The following DGAT1 variants were observed in gnomAD, a reference collection of about 807,000 sequenced individuals.
The protein encoded by DGAT1 is ACAT related gene product 1.
DGAT1 carries 60 observed loss-of-function variants against 72.6 expected under a neutral mutation model. That is an observed-to-expected ratio of 0.83 (90% CI 0.67 to 1.02). The LOEUF (loss-of-function observed/expected upper bound fraction) is 1.02, where lower values mean the gene tolerates loss of function less well. Ranked by LOEUF, DGAT1 falls within the 50% of genes least tolerant of loss-of-function variation. The pLI is 0.00. For synonymous variants in DGAT1, 290 were observed against 267.5 expected (o/e 1.08, Z -0.82); for missense variants, 592 against 670.0 (o/e 0.88, Z 1.29).
chr8:144,325,133 C>G (rs1424745158), intron 1 of DGAT1, among the ~76,000 whole-genome samples: 1 of 152,084 alleles, frequency 6.6e-6, no homozygotes, highest in Non-Finnish European at 1.5e-5. Context: ...AGCCATCCCC[C>G]TGCCTCCTGG....
chr8:144,323,534 C>T lies in DGAT1; in HGVS notation c.201-2126G>A, dbSNP rs536443233. ...GGGCTACAGGGCAGGCTGCATGGAA[C>T]GGCATGGGGAGGTGGGATCTGCCCC... On this transcript the variant is annotated intron_variant, in intron 1 of 16. Coordinates refer to ENST00000528718, the MANE Select transcript of DGAT1 (RefSeq NM_012079.6). Among the ~76,000 whole-genome samples the T allele has an allele frequency of 2.6e-4, 40 of 152,334 alleles. 1 individual carries two copies. Among genetic ancestry groups the T allele is most frequent in the East Asian group, 1.5e-3 (8 of 5,178 alleles).
At chr8:144,322,359 G>A (rs1490961020) in intron 1 of DGAT1, among the ~76,000 whole-genome samples, 1 of 152,208 alleles carries the variant, frequency 6.6e-6, no homozygotes, top group African/African-American at 2.4e-5. Context: ...CATTGAGCAA[G>A]TCCTCAACTT....
chr8:144,320,364 C>G (rs939208661), intron 2 of DGAT1, among the ~76,000 whole-genome samples: 4 of 152,234 alleles, frequency 2.6e-5, no homozygotes, highest in African/African-American at 7.2e-5. Flanking sequence ...GCCCACTGTC[C>G]TCCTGCCTGG....
At chr8:144,319,491 G>C (rs1051361879) in intron 2 of DGAT1, among the ~76,000 whole-genome samples, 1 of 152,248 alleles carries the variant, frequency 6.6e-6, no homozygotes, top group Non-Finnish European at 1.5e-5. Context: ...TGCCCAGGGA[G>C]GCCTGCCCAC....
In DGAT1 at chr8:144,315,820, C is replaced by G; in HGVS notation, c.*734G>C. The G allele has an allele frequency of 1.0e-6, 1 of 982,900 alleles. No homozygotes were observed. Among genetic ancestry groups the G allele is most frequent in the Non-Finnish European group, 1.2e-6 (1 of 827,594 alleles). The allele number at this position is 982,900 out of a possible 1,614,324, so 60.9% of individuals were successfully genotyped here. A position where few individuals can be genotyped will look rare whatever the true frequency, so the allele number is the denominator to read the frequency against. On this transcript the variant is annotated 3_prime_UTR_variant, in exon 17 of 17. Coordinates refer to ENST00000528718, the MANE Select transcript of DGAT1 (RefSeq NM_012079.6). ...AAGTGAAGGAAAGAGGCTGCCAAAC[C>G]GAGCCCTGCCCCAAGGCGAATAGCC...
intron 12 of DGAT1, 29 bp from the exon 13 acceptor site, chr8:144,317,474 G>A (rs782581151): frequency 6.2e-7 from 1 of 1,613,654 alleles, no homozygotes; most frequent in South Asian, 1.1e-5. Context: ...TGGGCACCAA[G>A]TTCTAGAACC....
chr8:144,316,348 C>T lies in DGAT1; in HGVS notation c.*206G>A, dbSNP rs1817219992. 7.6e-6 allele frequency: 5 copies of T among 658,102 alleles called. No homozygotes were observed. The highest frequency in any genetic ancestry group is 1.8e-5 in the African/African-American group (1 of 55,094). 40.8% of individuals were successfully genotyped at this position (658,102 alleles called of 1,614,324 possible). ...CCCGGGGCAGGGTCAGCAAGACTCC[C>T]AGCTGGCATCAGACTGTGTCTGGCC... On this transcript the variant is annotated 3_prime_UTR_variant, in exon 17 of 17. Transcript: ENST00000528718.
rs1175747752 is a variant in DGAT1, at chr8:144,317,773, A to C, written c.894+11T>G. On this transcript the variant is annotated intron_variant, in intron 10 of 16. Transcript: ENST00000528718. ...GCCCAGCTACACCCAACCCTGCCCT[A>C]CCCCACTTACCTGCTGGATCAGCCC... 6.2e-7 allele frequency: 1 copy of C among 1,613,006 alleles called. No homozygotes were observed. Among genetic ancestry groups the C allele is most frequent in the Non-Finnish European group, 8.5e-7 (1 of 1,179,690 alleles).
chr8:144,318,658 C>T (rs906980203), intron 5 of DGAT1, 41 bp downstream of exon 5: 12 of 1,607,188 alleles, frequency 7.5e-6, no homozygotes, highest in Non-Finnish European at 8.5e-6. Flanking sequence ...GGAGCGCACA[C>T]AGCAGGGTGA....
chr8:144,326,342 G>T, intron 1 of DGAT1, 95 bp downstream of exon 1: 3 of 1,156,806 alleles, frequency 2.6e-6, no homozygotes, highest in Non-Finnish European at 3.4e-6. Flanking sequence ...TTAGCCCAGG[G>T]CCCATGTTCT....
intron 1 of DGAT1, among the ~76,000 whole-genome samples, chr8:144,322,712 T>C (rs1360027121): frequency 1.3e-5 from 2 of 152,130 alleles, no homozygotes; most frequent in Admixed American, 1.3e-4. Context: ...TGCTCACACC[T>C]TTCCCTCTGC....
chr8:144,318,570 G>T lies in DGAT1; in HGVS notation c.469-4C>A. On this transcript the variant is annotated splice_region_variant and splice_polypyrimidine_tract_variant and intron_variant, in intron 5 of 16. Coordinates refer to ENST00000528718, the MANE Select transcript of DGAT1 (RefSeq NM_012079.6). Reference sequence around the variant, plus strand: ...CCGCCTGCTCCGTCAGGGCACCCTGGAGTGGGGAGCAGAGCACTCAACCAG... The same window carrying T: ...CCGCCTGCTCCGTCAGGGCACCCTGTAGTGGGGAGCAGAGCACTCAACCAG... 2 of 1,611,390 alleles carry T rather than the reference G, an allele frequency of 1.2e-6. No homozygotes were observed. Among genetic ancestry groups the T allele is most frequent in the East Asian group, 2.2e-5 (1 of 44,846 alleles).
chr8:144,316,375 G>A lies in DGAT1; in HGVS notation c.*179C>T. On this transcript the variant is annotated 3_prime_UTR_variant, in exon 17 of 17. Coordinates refer to ENST00000528718, the MANE Select transcript of DGAT1 (RefSeq NM_012079.6). The stretch of plus-strand genomic sequence containing the variant: ...GCTGGCATCAGACTGTGTCTGGCCT[G>A]CTGTCGCCATCCCTGAGGGGTGCAG... 1.3e-6 allele frequency: 1 copy of A among 774,932 alleles called. No homozygotes were observed. The highest frequency in any genetic ancestry group is 2.0e-6 in the Non-Finnish European group (1 of 501,340). 48.0% of individuals were successfully genotyped at this position (774,932 alleles called of 1,614,324 possible).
In DGAT1 at chr8:144,321,302, G is replaced by A. The variant is rs549091136; in HGVS notation, c.288+19C>T. 5.2e-5 allele frequency: 84 copies of A among 1,612,422 alleles called. No homozygotes were observed. The highest frequency in any genetic ancestry group is 4.3e-4 in the South Asian group (39 of 91,020). On this transcript the variant is annotated intron_variant, in intron 2 of 16. Transcript: ENST00000528718. ...CCCACCTGGACCTAGACCCGCTCCC[G>A]ACACCATGTCCCACTCACCAGCATC...
In DGAT1 at chr8:144,318,334, G is replaced by A. The variant is rs1554847579; in HGVS notation, c.603C>T (p.His201=). 6.2e-7 allele frequency: 1 copy of A among 1,612,258 alleles called. No individual in the cohort carries two copies. Among genetic ancestry groups the A allele is most frequent in the South Asian group, 1.1e-5 (1 of 90,978 alleles). ...PVGSLLALMA[H]TILFLKLFSY... ...AGAAGAGCTTGAGGAAGAGGATGGT[G>A]TGCGCCATCAGCGCCAGCAGGGAGC... The change falls in exon 7 of 17, where the codon CAC becomes CAT. Residue 201 remains histidine, a synonymous_variant. Coordinates refer to ENST00000528718, the MANE Select transcript of DGAT1 (RefSeq NM_012079.6).
At position 144,326,415 on chromosome 8, in the gene DGAT1, AG is replaced by A. The variant is rs1459712081; in HGVS notation, c.200+21del. ...TCGCGGGGCCCTTGGGTCAGAGGTTAGGGGGTCAGGCGCTCCGCTACCTCAG... is the reference window on the plus strand; with the variant it reads ...TCGCGGGGCCCTTGGGTCAGAGGTTAGGGGTCAGGCGCTCCGCTACCTCAG... On this transcript the variant is annotated intron_variant, in intron 1 of 16. Coordinates refer to ENST00000528718, the MANE Select transcript of DGAT1 (RefSeq NM_012079.6). 7.2e-6 allele frequency: 10 copies of A among 1,388,124 alleles called. No homozygotes were observed. In the East Asian group the frequency reaches 1.2e-4, roughly 17 times the overall value. The allele number at this position is 1,388,124 out of a possible 1,614,324, so 86.0% of individuals were successfully genotyped here.
At chr8:144,321,510 G>A (rs551294677) in intron 1 of DGAT1, 102 bp from the exon 2 acceptor site, 3 of 1,037,016 alleles carry the variant, frequency 2.9e-6, no homozygotes, top group African/African-American at 3.1e-5. Context: ...TCTGCCCTCA[G>A]GCCCCACTCC....
Position 144,315,054 on chromosome 8 carries a change from CGGGGAACG to C in DGAT1, c.*1492_*1499del, listed in dbSNP as rs1554846654. ...CCAGAGCCAGCACCCTGTGTAGGCA[CGGGGAACG>C]GGAGCCTGTCCCGTAGCTTTAGGGT... On this transcript the variant is annotated 3_prime_UTR_variant, in exon 17 of 17. Transcript: ENST00000528718. 1 of 985,212 alleles carries C rather than the reference CGGGGAACG, an allele frequency of 1.0e-6. No individual in the cohort carries two copies. Among genetic ancestry groups the C allele is most frequent in the African/African-American group, 1.7e-5 (1 of 57,154 alleles). The allele number at this position is 985,212 out of a possible 1,614,324, so 61.0% of individuals were successfully genotyped here.
At chr8:144,325,087 AG>A (rs1554848640) in intron 1 of DGAT1, among the ~76,000 whole-genome samples, 1 of 151,990 alleles carries the variant, frequency 6.6e-6, no homozygotes, top group African/African-American at 2.4e-5. Context: ...AGAAAAAAAA[AG>A]AAATCTCAAT....
Sources: gnomAD v4.1 joint callset for allele counts (sites outside exome capture counted in the v4.1 genomes callset) on GRCh38, gnomAD v4.1.1 for gene constraint, MANE v1.5 for transcripts, NCBI Gene and HGNC (gene_info 2026-07-23, HGNC 2026-07-21) for gene names.